Variants in COL18A1 observed in about 807,000 individuals in gnomAD.
COL18A1 encodes the protein collagen alpha-1(XVIII) chain.
Under a neutral mutation model 168.0 loss-of-function variants are expected in COL18A1, and 133 were observed. The ratio of observed to expected loss-of-function variants is 0.79; its 90% CI spans 0.69 to 0.91. The LOEUF is 0.91. Among genes scored for constraint, COL18A1 ranks in the 40% least tolerant of loss-of-function variants. The probability of loss-of-function intolerance (pLI) is 0.00; values close to 1 mark genes in which losing one functional copy is unlikely to be tolerated. For synonymous variants in COL18A1, 949 were observed against 809.0 expected (o/e 1.17, Z -2.94); for missense variants, 2,126 against 1,925.4 (o/e 1.10, Z -1.95).
At chr21:45,458,345 GCTCTCT>G (rs2034918202) in intron 2 of COL18A1, among the ~76,000 whole-genome samples, 1 of 151,740 alleles carries the variant, frequency 6.6e-6, no homozygotes, top group Non-Finnish European at 1.5e-5. Context: ...TAGGGCTGGA[GCTCTCT>G]GAGGCAGGGG....
chr21:45,497,203 A>ACTGGG, intron 31 of COL18A1, 111 bp downstream of exon 31: 1 of 786,472 alleles, frequency 1.3e-6, no homozygotes, highest in Non-Finnish European at 2.2e-6. Flanking sequence ...GCCCAAGGCC[A>ACTGGG]GTGCTACACG....
At chr21:45,429,928 G>A (rs545845847) in intron 2 of COL18A1, among the ~76,000 whole-genome samples, 4 of 149,894 alleles carry the variant, frequency 2.7e-5, no homozygotes, top group East Asian at 1.9e-4. Flanking sequence ...CATCTCCCTC[G>A]CGCCCTCTCA....
At chr21:45,466,890 CT>C (rs1462569790) in intron 2 of COL18A1, among the ~76,000 whole-genome samples, 1 of 152,230 alleles carries the variant, frequency 6.6e-6, no homozygotes, top group Non-Finnish European at 1.5e-5. Flanking sequence ...AGGCCGAGTC[CT>C]GTTTCCTGAT....
At position 45,472,000 on chromosome 21, in the gene COL18A1, C is replaced by T. The variant is rs531049731; in HGVS notation, c.652-1895C>T. Among the ~76,000 whole-genome samples the T allele has an allele frequency of 6.6e-6, 1 of 152,310 alleles. No individual in the cohort carries two copies. Among genetic ancestry groups the T allele is most frequent in the African/African-American group, 2.4e-5 (1 of 41,572 alleles). ...CTCTGCCCTCTGTAGTCGCCCCCCA[C>T]CCAGGCACCCTGTAGCCCCGTGCAG... On this transcript the variant is annotated intron_variant, in intron 3 of 41. Coordinates refer to ENST00000651438, the MANE Select transcript of COL18A1 (RefSeq NM_001379500.1). The surrounding 1 kb of genome is among the most constrained non-coding windows in gnomAD (Gnocchi z 4.4).
At position 45,503,924 on chromosome 21, in the gene COL18A1, C is replaced by T; in HGVS notation, c.2684-87C>T. 7.4e-6 allele frequency: 11 copies of T among 1,479,726 alleles called. No individual in the cohort carries two copies. The South Asian group carries it at 9.1e-5, about 12-fold the overall frequency. The allele number at this position is 1,479,726 out of a possible 1,614,324, so 91.7% of individuals were successfully genotyped here. A position where few individuals can be genotyped will look rare whatever the true frequency, so the allele number is the denominator to read the frequency against. Reference sequence around the variant, plus strand: ...GCGAAATGGCTAGAAGGGCCTCAGGCAAACCCACCAGTGCTGGGGGCTGCA... The same window carrying T: ...GCGAAATGGCTAGAAGGGCCTCAGGTAAACCCACCAGTGCTGGGGGCTGCA... On this transcript the variant is annotated intron_variant, in intron 32 of 41. Coordinates refer to ENST00000651438, the MANE Select transcript of COL18A1 (RefSeq NM_001379500.1).
At chr21:45,472,661 CT>C (rs988997565) in intron 3 of COL18A1, among the ~76,000 whole-genome samples, 2 of 152,066 alleles carry the variant, frequency 1.3e-5, no homozygotes, top group African/African-American at 4.8e-5. Flanking sequence ...GGTGCTGCCC[CT>C]GGCCGACCTG....
rs1283204039 is a variant in COL18A1, at chr21:45,505,175, T to C, written c.2910T>C (p.Pro970=). The part of the protein sequence containing the change: ...GESIRGQPGP[P]GPQGPPGIGY... ...GCATCCGGGGCCAGCCCGGCCCACC[T>C]GGACCTCAGGGACCCCCCGGCATCG... Residue 970 remains proline (P), a synonymous_variant, in exon 35 of 42, where the codon CCT becomes CCC. Coordinates refer to ENST00000651438, the MANE Select transcript of COL18A1 (RefSeq NM_001379500.1). 1 of 1,607,010 alleles carries C rather than the reference T, an allele frequency of 6.2e-7. No individual in the cohort carries two copies.
Position 45,478,978 on chromosome 21 carries a change from C to A in COL18A1, c.1248+625C>A, listed in dbSNP as rs563964734. Among the ~76,000 whole-genome samples the A allele has an allele frequency of 2.0e-5, 3 of 152,316 alleles. No homozygotes were observed. The East Asian group carries it at 5.8e-4, about 29-fold the overall frequency. ...AACGGTCATTACCGACCGCCTGGCACCCCACAGCCAAGCTGCCTGCGATGA... is the reference window on the plus strand; with the variant it reads ...AACGGTCATTACCGACCGCCTGGCAACCCACAGCCAAGCTGCCTGCGATGA... On this transcript the variant is annotated intron_variant, in intron 9 of 41. Coordinates refer to ENST00000651438, the MANE Select transcript of COL18A1 (RefSeq NM_001379500.1).
At chr21:45,489,343 C>T in intron 18 of COL18A1, 143 bp from the exon 19 acceptor site, 1 of 745,102 alleles carries the variant, frequency 1.3e-6, no homozygotes, top group South Asian at 1.5e-5. Flanking sequence ...TGCTCAGTGT[C>T]CCTGGGACCC....
chr21:45,442,895 TGCTGATGTG>T (rs2034412291), intron 2 of COL18A1, among the ~76,000 whole-genome samples: 1 of 135,220 alleles, frequency 7.4e-6, no homozygotes. Context: ...TGGGCAGCGG[TGCTGATGTG>T]GGTGGTGGTG....
At chr21:45,487,393 G>T in intron 16 of COL18A1, 54 bp from the exon 17 acceptor site, 1 of 1,593,184 alleles carries the variant, frequency 6.3e-7, no homozygotes, top group Non-Finnish European at 8.6e-7. Context: ...CCAGGGAGGG[G>T]TCCTTCCCTA....
chr21:45,505,043 G>A, intron 34 of COL18A1, 91 bp from the exon 35 acceptor site: 1 of 1,523,084 alleles, frequency 6.6e-7, no homozygotes, highest in Non-Finnish European at 8.9e-7. Flanking sequence ...CGCTCGCCAA[G>A]GGGGTCTTGG....
Position 45,505,364 on chromosome 21 carries a change from G to T in COL18A1, c.3020G>T (p.Ser1007Ile). The T allele has an allele frequency of 6.3e-7, 1 of 1,595,608 alleles. No individual in the cohort carries two copies. The highest frequency in any genetic ancestry group is 8.6e-7 in the Non-Finnish European group (1 of 1,165,596). ...CTTGGTTTCTCTCCTGCAGCTATCA[G>T]CGTTCCCGGCCCTCCGGGCCCCCCT... ...SFPGPHRQTI[S>I]VPGPPGPPGP... The change falls in exon 36 of 42, where the codon AGC (serine) becomes ATC (isoleucine). Residue 1007 changes from serine to isoleucine, a missense_variant. Transcript: ENST00000651438.
Position 45,512,431 on chromosome 21 carries a change from C to T in COL18A1, c.*33C>T, listed in dbSNP as rs376696662. ...CTGGATGCGGATGGCCGGAGAGGAC[C>T]GGCGGCTCGGAGGAAGCCCCCACCG... On this transcript the variant is annotated 3_prime_UTR_variant, in exon 42 of 42. Transcript: ENST00000651438. 5.5e-5 allele frequency: 87 copies of T among 1,596,126 alleles called. No individual in the cohort carries two copies. The highest frequency in any genetic ancestry group is 4.8e-4 in the African/African-American group (36 of 74,700).
intron 15 of COL18A1, 62 bp downstream of exon 15, chr21:45,482,883 C>T: frequency 6.2e-7 from 1 of 1,613,036 alleles, no homozygotes; most frequent in Non-Finnish European, 8.5e-7. Flanking sequence ...GTGCTCGGAC[C>T]CCCAAAGAGG....
intron 2 of COL18A1, among the ~76,000 whole-genome samples, chr21:45,442,164 T>TG (rs1164405519): frequency 2.0e-5 from 3 of 151,858 alleles, no homozygotes; most frequent in Non-Finnish European, 2.9e-5. Context: ...GTAGCTGCTG[T>TG]GGGGCCACAG....
Position 45,512,187 on chromosome 21 carries a change from G to A in COL18A1, c.3810-1G>A. 1 of 1,611,658 alleles carries A rather than the reference G, an allele frequency of 6.2e-7. No homozygotes were observed. The highest frequency in any genetic ancestry group is 1.1e-5 in the South Asian group (1 of 90,796). On this transcript the variant is annotated splice_acceptor_variant, in intron 41 of 41. Transcript: ENST00000651438. LOFTEE classifies it high-confidence loss of function. ...GACTGACGGCCCGGCGCGTCTTACA[G>A]GCCCCAGAAGAGCGTGTGGCATGGC...
intron 2 of COL18A1, among the ~76,000 whole-genome samples, chr21:45,442,714 G>A (rs2034404204): frequency 1.0e-5 from 1 of 97,406 alleles, no homozygotes; most frequent in Non-Finnish European, 1.9e-5. Context: ...GGAGGTCCTG[G>A]TGTGGGCGGC....
chr21:45,510,504 C>T (rs527710843), intron 40 of COL18A1, among the ~76,000 whole-genome samples: 7 of 149,774 alleles, frequency 4.7e-5, no homozygotes, highest in African/African-American at 1.5e-4. Flanking sequence ...CCCCCCGTGG[C>T]CCCCTGACCC....
Sources: allele counts gnomAD v4.1 joint callset (sites outside exome capture counted in the v4.1 genomes callset), GRCh38; gene constraint gnomAD v4.1.1; non-coding constraint Gnocchi (gnomAD v3.1); transcripts MANE v1.5; gene names NCBI Gene and HGNC (gene_info 2026-07-23, HGNC 2026-07-21).